The following PPARGC1A variants were observed in gnomAD, a reference collection of about 807,000 sequenced individuals.
The protein encoded by PPARGC1A is peroxisome proliferator-activated receptor gamma coactivator 1-alpha.
Under a neutral mutation model 88.7 loss-of-function variants are expected in PPARGC1A, and 25 were observed. The observed-to-expected ratio is 0.28, with a 90% CI of 0.21 to 0.39. The LOEUF is 0.39. PPARGC1A is among the 10% of genes least tolerant of loss of function. The pLI is 1.00. For missense variants in PPARGC1A, 880 were observed against 968.7 expected, an observed-to-expected ratio of 0.91 and a Z score of 1.22; for synonymous variants, 363 against 355.6, an observed-to-expected ratio of 1.02 and a Z score of -0.24.
the PPARGC1A span, among the ~76,000 whole-genome samples, chr4:24,431,951 T>C: frequency 6.6e-6 from 1 of 152,192 alleles, no homozygotes; most frequent in Non-Finnish European, 1.5e-5. Context: ...AATTAGGTTG[T>C]TGGGAACCTT....
the PPARGC1A span, among the ~76,000 whole-genome samples, chr4:24,158,031 T>A: frequency 6.6e-6 from 1 of 152,108 alleles, no homozygotes; most frequent in Non-Finnish European, 1.5e-5. Context: ...CGCCATGATC[T>A]AGCCCCTGCC....
the PPARGC1A span, among the ~76,000 whole-genome samples, chr4:24,448,053 C>A: frequency 6.6e-6 from 1 of 152,238 alleles, no homozygotes. Flanking sequence ...TCACAAAGAA[C>A]CGTGGACATC....
the PPARGC1A span, among the ~76,000 whole-genome samples, chr4:24,167,718 A>T: frequency 1.3e-5 from 2 of 152,180 alleles, no homozygotes; most frequent in African/African-American, 4.8e-5. Flanking sequence ...GATGATGATT[A>T]GCATTTTTAG....
intron 2 of PPARGC1A, among the ~76,000 whole-genome samples, chr4:23,876,826 GA>G (rs957045647): frequency 8.8e-5 from 13 of 148,168 alleles, no homozygotes; most frequent in South Asian, 4.3e-4. Context: ...AAAGGAGAAA[GA>G]AAAAAAAAAG....
the PPARGC1A span, among the ~76,000 whole-genome samples, chr4:24,459,874 C>T: frequency 6.6e-6 from 1 of 152,244 alleles, no homozygotes; most frequent in East Asian, 1.9e-4. Context: ...CAACAATTAG[C>T]ATTCAAGCAG....
At chr4:23,950,773 C>G in the PPARGC1A span, among the ~76,000 whole-genome samples, 1 of 152,106 alleles carries the variant, frequency 6.6e-6, no homozygotes, top group East Asian at 1.9e-4. Flanking sequence ...AAACATATTA[C>G]TTAATCTGCC....
At chr4:24,191,127 T>C in the PPARGC1A span, among the ~76,000 whole-genome samples, 2 of 152,098 alleles carry the variant, frequency 1.3e-5, no homozygotes, top group Non-Finnish European at 2.9e-5. Flanking sequence ...TAACAAGGCA[T>C]GAAAAAGTTA....
chr4:24,424,345 G>A, the PPARGC1A span, among the ~76,000 whole-genome samples: 3 of 126,692 alleles, frequency 2.4e-5, no homozygotes, highest in South Asian at 7.6e-4. Flanking sequence ...GAGCGATCTC[G>A]GCTCACTGCA....
At chr4:23,944,619 G>C in the PPARGC1A span, among the ~76,000 whole-genome samples, 4 of 152,166 alleles carry the variant, frequency 2.6e-5, no homozygotes, top group Non-Finnish European at 1.5e-5. Context: ...ACAGTTCCCA[G>C]AGTCCCCACA....
the PPARGC1A span, among the ~76,000 whole-genome samples, chr4:24,224,068 A>T: frequency 6.6e-6 from 1 of 152,202 alleles, no homozygotes; most frequent in Non-Finnish European, 1.5e-5. Context: ...TTCCAGTAAG[A>T]GTTGAGTAGG....
At chr4:24,189,489 T>A in the PPARGC1A span, among the ~76,000 whole-genome samples, 2 of 152,084 alleles carry the variant, frequency 1.3e-5, no homozygotes, top group African/African-American at 2.4e-5. Context: ...CTGACAAGAC[T>A]ATGAAATAAG....
At chr4:24,432,430 G>C in the PPARGC1A span, among the ~76,000 whole-genome samples, 3 of 152,182 alleles carry the variant, frequency 2.0e-5, no homozygotes, top group Non-Finnish European at 4.4e-5. Context: ...ACCGAGGAGA[G>C]CAGAGGGATT....
chr4:24,381,419 T>C, the PPARGC1A span, among the ~76,000 whole-genome samples: 5 of 152,194 alleles, frequency 3.3e-5, no homozygotes, highest in Non-Finnish European at 5.9e-5. Context: ...CACTGATTGT[T>C]TATTAAAAGG....
intron 7 of PPARGC1A, chr4:23,820,654 G>GTT (rs375891198): frequency 2.0e-5 from 9 of 439,182 alleles, no homozygotes; most frequent in African/African-American, 6.1e-5. Context: ...AAAGAGAAGA[G>GTT]TTTTTTTATC....
chr4:23,967,755 G>C, the PPARGC1A span, among the ~76,000 whole-genome samples: 1 of 151,676 alleles, frequency 6.6e-6, no homozygotes, highest in African/African-American at 2.4e-5. Flanking sequence ...TTTGAATATT[G>C]TAATGAGTAA....
chr4:24,169,216 C>A, the PPARGC1A span, among the ~76,000 whole-genome samples: 1 of 152,006 alleles, frequency 6.6e-6, no homozygotes, highest in Non-Finnish European at 1.5e-5. Flanking sequence ...TACAAAATTC[C>A]GGACCAGTCC....
At chr4:24,294,597 A>G in the PPARGC1A span, among the ~76,000 whole-genome samples, 1 of 152,150 alleles carries the variant, frequency 6.6e-6, no homozygotes, top group Admixed American at 6.5e-5. Context: ...CCCCACTCCC[A>G]AAAAACAAGT....
chr4:23,970,577 G>T, the PPARGC1A span, among the ~76,000 whole-genome samples: 1 of 152,164 alleles, frequency 6.6e-6, no homozygotes, highest in African/African-American at 2.4e-5. Context: ...CTACATAAAG[G>T]TTTAGCACAA....
At chr4:23,851,103 A>C (rs552641170) in intron 2 of PPARGC1A, among the ~76,000 whole-genome samples, 3 of 152,312 alleles carry the variant, frequency 2.0e-5, no homozygotes, top group Admixed American at 2.0e-4. Context: ...GGAACCACTA[A>C]TGGACTTATC....
Sources: gnomAD v4.1 joint callset for allele counts (sites outside exome capture counted in the v4.1 genomes callset) on GRCh38, gnomAD v4.1.1 for gene constraint, MANE v1.5 for transcripts, NCBI Gene and HGNC (gene_info 2026-07-23, HGNC 2026-07-21) for gene names.